The following ZNF300 variants were observed in gnomAD, a reference collection of about 807,000 sequenced individuals.
ZNF300 encodes kruppel-like zinc finger protein.
Under a neutral mutation model 13.9 loss-of-function variants are expected in ZNF300, and 6 were observed. That is an observed-to-expected ratio of 0.43 (90% CI 0.24 to 0.85). The LOEUF is 0.85. Among genes scored for constraint, ZNF300 ranks in the 40% least tolerant of loss-of-function variants. ZNF300 has a pLI of 0.25. For synonymous variants in ZNF300, 237 were observed against 242.2 expected, an observed-to-expected ratio of 0.98 and a Z score of 0.20; for missense variants, 662 against 714.2, an observed-to-expected ratio of 0.93 and a Z score of 0.83.
Position 150,895,698 on chromosome 5 carries a change from A to G in ZNF300, c.1541T>C (p.Ile514Thr), listed in dbSNP as rs868280625. Residue 514 changes from isoleucine (I) to threonine (T), a missense_variant, in exon 6 of 6, where the codon ATT (isoleucine) becomes ACT (threonine). Coordinates refer to ENST00000274599, the MANE Select transcript of ZNF300 (RefSeq NM_052860.4). ...TATATAAGGTTTTTCTCCTGTGTGA[A>G]TTCTCTGATGTCCAATGAGATGTGA... ...QKSHLIGHQR[I>T]HTGEKPYICT... 1 of 1,613,178 alleles carries G rather than the reference A, an allele frequency of 6.2e-7. No homozygotes were observed. Among genetic ancestry groups the G allele is most frequent in the Non-Finnish European group, 8.5e-7 (1 of 1,179,688 alleles).
chr5:150,896,768 A>T lies in ZNF300; in HGVS notation c.471T>A (p.Thr157=). ...QVTFVNSKTV[T]EASGHKYNPL... ...GATTATATTTATGCCCTGATGCCTC[A>T]GTCACTGTTTTGCTGTTAACAAATG... The change falls in exon 6 of 6, where the codon ACT becomes ACA. Residue 157 remains threonine, a synonymous_variant. Coordinates refer to ENST00000274599, the MANE Select transcript of ZNF300 (RefSeq NM_052860.4). The T allele has an allele frequency of 6.2e-7, 1 of 1,613,830 alleles. No homozygotes were observed. Among genetic ancestry groups the T allele is most frequent in the South Asian group, 1.1e-5 (1 of 91,082 alleles).
intron 3 of ZNF300, among the ~76,000 whole-genome samples, chr5:150,901,131 C>T (rs1436894549): frequency 2.6e-5 from 4 of 151,962 alleles, no homozygotes; most frequent in African/African-American, 9.7e-5. Flanking sequence ...ATATACAGCC[C>T]TCTTCCTGAA....
chr5:150,900,116 G>A (rs1172319193), intron 3 of ZNF300, among the ~76,000 whole-genome samples: 2 of 151,978 alleles, frequency 1.3e-5, no homozygotes, highest in African/African-American at 4.8e-5. Flanking sequence ...GTAAATACTT[G>A]CCAAAGATGA....
rs1561753711 is a variant in ZNF300 at position 150,894,585 on chromosome 5, A to G, written c.*839T>C. 6.6e-6 allele frequency: 1 copy of G among 152,294 alleles called. No homozygotes were observed. Among genetic ancestry groups the G allele is most frequent in the African/African-American group, 2.4e-5 (1 of 41,466 alleles). 9.4% of individuals were successfully genotyped at this position (152,294 alleles called of 1,614,324 possible). A position where few individuals can be genotyped will look rare whatever the true frequency, so the allele number is the denominator to read the frequency against. On this transcript the variant is annotated 3_prime_UTR_variant, in exon 6 of 6. Transcript: ENST00000274599. ...AAGCAAGCTCAGACGTGGTTTTTAC[A>G]CATTAGTCTTAACATCTAATGCTTC...
intron 2 of ZNF300, 101 bp from the exon 3 acceptor site, chr5:150,903,283 A>G (rs2113037276): frequency 2.5e-6 from 4 of 1,602,790 alleles, no homozygotes; most frequent in Non-Finnish European, 3.4e-6. Flanking sequence ...TCAGAAGTCA[A>G]GTAACTAATG....
Position 150,896,901 on chromosome 5 carries a change from T to C in ZNF300, c.338A>G (p.Lys113Arg). 1 of 1,613,522 alleles carries C rather than the reference T, an allele frequency of 6.2e-7. No individual in the cohort carries two copies. The highest frequency in any genetic ancestry group is 8.5e-7 in the Non-Finnish European group (1 of 1,179,686). Residue 113 changes from lysine to arginine, a missense_variant, in exon 6 of 6, where the codon AAA (lysine) becomes AGA (arginine). Physicochemically the swap from Lys to Arg is conservative, Grantham distance 26 (BLOSUM62 2). Coordinates refer to ENST00000274599, the MANE Select transcript of ZNF300 (RefSeq NM_052860.4). ...CAATGAACCATCCCTTGTGACTCCT[T>C]TCAGTATCTTATGATGGAAGGAAAC... ...GTVSFHHKIL[K>R]GVTRDGSLCS... is the part of the protein sequence containing the mutation.
At chr5:150,903,111 A>AAT (rs753502874) in intron 3 of ZNF300, 30 bp downstream of exon 3, 2 of 1,506,300 alleles carry the variant, frequency 1.3e-6, no homozygotes, top group African/African-American at 2.9e-5. Flanking sequence ...ACCAAAGAAG[A>AAT]ATTTTTTTTT....
chr5:150,900,944 G>A (rs1378912535), intron 3 of ZNF300, among the ~76,000 whole-genome samples: 2 of 151,964 alleles, frequency 1.3e-5, no homozygotes, highest in African/African-American at 4.8e-5. Flanking sequence ...GGAAAATATA[G>A]TACATAATCA....
In ZNF300 at chr5:150,903,167, C is replaced by T; in HGVS notation, c.-12G>A. 1 of 1,611,912 alleles carries T rather than the reference C, an allele frequency of 6.2e-7. No individual in the cohort carries two copies. The highest frequency in any genetic ancestry group is 8.5e-7 in the Non-Finnish European group (1 of 1,179,326). ...TGGGACTTCATCATTTTTTGCTCTT[C>T]CAAAAGGCCAGATGACTGAAAAAGC... On this transcript the variant is annotated 5_prime_UTR_variant, in exon 3 of 6. Transcript: ENST00000274599.
In ZNF300 at chr5:150,896,713, C is replaced by T; in HGVS notation, c.526G>A (p.Glu176Lys). 2 of 1,613,494 alleles carry T rather than the reference C, an allele frequency of 1.2e-6. No homozygotes were observed. The highest frequency in any genetic ancestry group is 4.5e-5 in the East Asian group (2 of 44,854). The change falls in exon 6 of 6, where the codon GAA becomes AAA. Residue 176 changes from glutamate to lysine, a missense_variant. By Grantham distance (56) the Glu-to-Lys change is moderately conservative. Transcript: ENST00000274599. ...AATCTCTGTATTGATATATCTGTTT[C>T]TATGCACTCTTGAAATATTTTCCCC... The part of the protein sequence containing the change: ...PLGKIFQECI[E>K]TDISIQRFHK...
chr5:150,896,019 T>A lies in ZNF300; in HGVS notation c.1220A>T (p.Lys407Met). The A allele has an allele frequency of 6.2e-7, 1 of 1,613,510 alleles. No homozygotes were observed. Among genetic ancestry groups the A allele is most frequent in the South Asian group, 1.1e-5 (1 of 91,062 alleles). ...IIHHRAHTGEKPYECTECGKA... is the reference protein window; with the variant it reads ...IIHHRAHTGEMPYECTECGKA... ...CCCACATTCGGTACACTCATACGGC[T>A]TCTCTCCAGTATGAGCTCTGTGGTG... The change falls in exon 6 of 6, where the codon AAG (lysine) becomes ATG (methionine). Residue 407 changes from lysine (K) to methionine (M), a missense_variant. By Grantham distance (95) the Lys-to-Met change is moderately conservative. Coordinates refer to ENST00000274599, the MANE Select transcript of ZNF300 (RefSeq NM_052860.4).
At chr5:150,898,894 A>G (rs1235171243) in intron 3 of ZNF300, among the ~76,000 whole-genome samples, 1 of 152,012 alleles carries the variant, frequency 6.6e-6, no homozygotes, top group East Asian at 1.9e-4. Flanking sequence ...TATCTCCTGA[A>G]TATTTATATG....
chr5:150,896,367 T>G lies in ZNF300; in HGVS notation c.872A>C (p.His291Pro), dbSNP rs767156039. The G allele has an allele frequency of 6.2e-7, 1 of 1,613,662 alleles. No individual in the cohort carries two copies. The highest frequency in any genetic ancestry group is 1.1e-5 in the South Asian group (1 of 91,054). Residue 291 changes from histidine (H) to proline (P), a missense_variant, in exon 6 of 6, where the codon CAT becomes CCT. Physicochemically the swap from His to Pro is moderately conservative, Grantham distance 77. Transcript: ENST00000274599. ...KSQLIVHQRIHTGKKPYDCGA... is the reference protein window; with the variant it reads ...KSQLIVHQRIPTGKKPYDCGA... ...ACAATCATATGGTTTCTTTCCAGTA[T>G]GAATTCTTTGATGTACAATGAGTTG...
chr5:150,903,090 T>C (rs777092203), intron 3 of ZNF300, 51 bp downstream of exon 3: 59 of 1,560,694 alleles, frequency 3.8e-5, no homozygotes, highest in Non-Finnish European at 4.8e-5. Context: ...TTCCATTTGA[T>C]TGTATGAAAA....
At position 150,896,398 on chromosome 5, in the gene ZNF300, T is replaced by C; in HGVS notation, c.841A>G (p.Lys281Glu). The change falls in exon 6 of 6, where the codon AAG becomes GAG. Residue 281 changes from lysine to glutamate, a missense_variant. Lys to Glu is a moderately conservative substitution (Grantham distance 56, BLOSUM62 1). Coordinates refer to ENST00000274599, the MANE Select transcript of ZNF300 (RefSeq NM_052860.4). Reference sequence around the variant, plus strand: ...CTTTGATGTACAATGAGTTGTGACTTCTTAGCAAAGGCTTTTCCACATGTA... The same window carrying C: ...CTTTGATGTACAATGAGTTGTGACTCCTTAGCAAAGGCTTTTCCACATGTA... ...CVTCGKAFAK[K>E]SQLIVHQRIH... The C allele has an allele frequency of 1.9e-6, 3 of 1,613,698 alleles. No individual in the cohort carries two copies. Among genetic ancestry groups the C allele is most frequent in the Non-Finnish European group, 2.5e-6 (3 of 1,179,850 alleles).
chr5:150,898,152 T>A lies in ZNF300; in HGVS notation c.175A>T (p.Lys59Ter). ...YPVSKPDVIS[K>*]LEQGEEPWII... ...CATGGCTCTTCTCCTTGTTCCAACT[T>A]GGAGATGACATCTGGTTTGGAAACT... The change falls in exon 5 of 6, where the codon AAG becomes TAG. Residue 59 changes from lysine to a stop codon, truncating the protein, a stop_gained. Coordinates refer to ENST00000274599, the MANE Select transcript of ZNF300 (RefSeq NM_052860.4). LOFTEE classifies it high-confidence loss of function. 2 of 1,613,528 alleles carry A rather than the reference T, an allele frequency of 1.2e-6. No homozygotes were observed. The highest frequency in any genetic ancestry group is 1.7e-6 in the Non-Finnish European group (2 of 1,179,650).
chr5:150,901,371 AGTG>A (rs1754990067), intron 3 of ZNF300, among the ~76,000 whole-genome samples: 1 of 152,160 alleles, frequency 6.6e-6, no homozygotes, highest in African/African-American at 2.4e-5. Context: ...AAAAACTACT[AGTG>A]AGTTTTTTGG....
Position 150,895,440 on chromosome 5 carries a change from G to C in ZNF300, c.1799C>G (p.Thr600Arg). ...SQLTVHQRIH[T>R]VVKS Reference sequence around the variant, plus strand: ...GCCAGTTCATTATGATTTTACCACTGTGTGAATTCTCTGGTGTACAGTTAG... The same window carrying C: ...GCCAGTTCATTATGATTTTACCACTCTGTGAATTCTCTGGTGTACAGTTAG... Residue 600 changes from threonine to arginine, a missense_variant, in exon 6 of 6, where the codon ACA (threonine) becomes AGA (arginine). Coordinates refer to ENST00000274599, the MANE Select transcript of ZNF300 (RefSeq NM_052860.4). 1 of 1,603,932 alleles carries C rather than the reference G, an allele frequency of 6.2e-7. No homozygotes were observed. The highest frequency in any genetic ancestry group is 8.5e-7 in the Non-Finnish European group (1 of 1,173,696).
Position 150,896,948 on chromosome 5 carries a change from G to C in ZNF300, c.291C>G (p.Ser97=). Residue 97 remains serine (S), a synonymous_variant, in exon 6 of 6, where the codon TCC becomes TCG. Transcript: ENST00000274599. ...RQDRKSNLHN[S]QSCILGTVSF... is the part of the protein sequence containing the mutation. ...AAACTGTCCCCAAAATACATGACTG[G>C]GAGTTGTGAAGGTTACTCTTCCTGT... The C allele has an allele frequency of 6.2e-7, 1 of 1,611,888 alleles. No homozygotes were observed. The highest frequency in any genetic ancestry group is 8.5e-7 in the Non-Finnish European group (1 of 1,179,024).
Sources: allele counts gnomAD v4.1 joint callset (sites outside exome capture counted in the v4.1 genomes callset), GRCh38; gene constraint gnomAD v4.1.1; transcripts MANE v1.5; gene names NCBI Gene and HGNC (gene_info 2026-07-23, HGNC 2026-07-21).